The following RRN3 variants were observed in gnomAD, a reference collection of about 807,000 sequenced individuals.
RRN3 encodes RNA polymerase I transcription factor RRN3.
RRN3 carries 38 observed loss-of-function variants against 82.3 expected under a neutral mutation model. The ratio of observed to expected loss-of-function variants is 0.46; its 90% CI spans 0.36 to 0.61. The LOEUF (loss-of-function observed/expected upper bound fraction) is 0.61, where lower values mean the gene tolerates loss of function less well. Among genes scored for constraint, RRN3 ranks in the 20% least tolerant of loss-of-function variants. RRN3 has a pLI of 0.00. For synonymous variants in RRN3, 284 were observed against 284.3 expected (o/e 1.00, Z 0.01); for missense variants, 726 against 793.1 (o/e 0.92, Z 1.02).
At position 15,085,706 on chromosome 16, in the gene RRN3, G is replaced by A; in HGVS notation, c.473-8C>T. On this transcript the variant is annotated splice_polypyrimidine_tract_variant and splice_region_variant and intron_variant, in intron 5 of 17. Coordinates refer to ENST00000198767, the MANE Select transcript of RRN3 (RefSeq NM_018427.5). Reference sequence around the variant, plus strand: ...CCTTAATGATCACTCGGGCTTTTGAGGGAAAAAGAAAATATGTTATTCTGT... The same window carrying A: ...CCTTAATGATCACTCGGGCTTTTGAAGGAAAAAGAAAATATGTTATTCTGT... 1 of 1,612,854 alleles carries A rather than the reference G, an allele frequency of 6.2e-7. No homozygotes were observed. Among genetic ancestry groups the A allele is most frequent in the Non-Finnish European group, 8.5e-7 (1 of 1,179,732 alleles).
At chr16:15,081,816 CT>C (rs2045715873) in intron 8 of RRN3, among the ~76,000 whole-genome samples, 1 of 152,136 alleles carries the variant, frequency 6.6e-6, no homozygotes, top group African/African-American at 2.4e-5. Flanking sequence ...TCATGTAGGG[CT>C]TTTATTGAGT....
intron 10 of RRN3, among the ~76,000 whole-genome samples, chr16:15,075,259 A>G (rs2045402863): frequency 6.6e-6 from 1 of 151,656 alleles, no homozygotes. Flanking sequence ...CCAAAAAAAA[A>G]AAAAAAAAAC....
chr16:15,083,448 T>C lies in RRN3; in HGVS notation c.666+65A>G, dbSNP rs1448900791. ...CTGGAAAAGAAAGAAAAAGACCTAA[T>C]ATCATCTAAAATGAAATCGTACAAA... On this transcript the variant is annotated intron_variant, in intron 8 of 17. Coordinates refer to ENST00000198767, the MANE Select transcript of RRN3 (RefSeq NM_018427.5). The C allele has an allele frequency of 3.1e-6, 5 of 1,597,674 alleles. No homozygotes were observed. The African/African-American group carries it at 4.1e-5, about 13-fold the overall frequency.
chr16:15,084,662 T>C lies in RRN3; in HGVS notation c.576A>G (p.Ile192Met). ...NFDTCHRALQ[I>M]IARYVPSTPW... ...CTCACGATGGTACATATCTTGCTATTATTTGCAAGGCTCTGTGACATGTGT... is the reference window on the plus strand; with the variant it reads ...CTCACGATGGTACATATCTTGCTATCATTTGCAAGGCTCTGTGACATGTGT... Residue 192 changes from isoleucine (I) to methionine (M), a missense_variant, in exon 7 of 18, where the codon ATA (isoleucine) becomes ATG (methionine). This residue lies in a region of RRN3 where 344 missense variants were observed against 394.5 expected (regional missense o/e 0.87). Transcript: ENST00000198767. 2 of 1,612,282 alleles carry C rather than the reference T, an allele frequency of 1.2e-6. No individual in the cohort carries two copies. Among genetic ancestry groups the C allele is most frequent in the Non-Finnish European group, 1.7e-6 (2 of 1,178,354 alleles).
chr16:15,093,094 T>C (rs2046202845), intron 1 of RRN3, among the ~76,000 whole-genome samples: 2 of 151,946 alleles, frequency 1.3e-5, no homozygotes, highest in African/African-American at 4.8e-5. Context: ...AACCTCCATC[T>C]CCCGGGTTCA....
chr16:15,080,150 G>C (rs920936212), intron 8 of RRN3, 54 bp from the exon 9 acceptor site: 1 of 1,529,464 alleles, frequency 6.5e-7, no homozygotes, highest in Non-Finnish European at 8.7e-7. Context: ...ACGTTTCACA[G>C]TTATGTAAGC....
intron 12 of RRN3, among the ~76,000 whole-genome samples, chr16:15,072,348 G>A (rs1198475607): frequency 6.6e-6 from 1 of 152,032 alleles, no homozygotes; most frequent in Non-Finnish European, 1.5e-5. Flanking sequence ...TCAACCCTTG[G>A]AAAGAATAAA....
chr16:15,062,159 G>C (rs560423204), intron 17 of RRN3, among the ~76,000 whole-genome samples: 3 of 152,254 alleles, frequency 2.0e-5, no homozygotes, highest in African/African-American at 4.8e-5. Flanking sequence ...TAGAAAAACA[G>C]AACAGAACAA....
chr16:15,082,067 C>T (rs930401046), intron 8 of RRN3, among the ~76,000 whole-genome samples: 107 of 152,284 alleles, frequency 7.0e-4, no homozygotes, highest in African/African-American at 2.3e-3. Flanking sequence ...AGAGAGTTTA[C>T]GCCTTCCTTT....
At chr16:15,084,239 G>A (rs1037843192) in intron 7 of RRN3, among the ~76,000 whole-genome samples, 1 of 151,920 alleles carries the variant, frequency 6.6e-6, no homozygotes, top group African/African-American at 2.4e-5. Context: ...AATAATCAAC[G>A]GACAGAGGGA....
rs565141995 is a variant in RRN3, at chr16:15,063,485, G to T, written c.1707-202C>A. ...GCACTTTGGGAGGCTGAGGTGGGCA[G>T]ATCATGAGGTCAGGAGATCGAGACC... On this transcript the variant is annotated intron_variant, in intron 16 of 17. Coordinates refer to ENST00000198767, the MANE Select transcript of RRN3 (RefSeq NM_018427.5). Among the ~76,000 whole-genome samples, 24 of 152,196 alleles carry T rather than the reference G, an allele frequency of 1.6e-4. No individual in the cohort carries two copies. In the East Asian group the frequency reaches 4.3e-3, roughly 27 times the overall value.
chr16:15,091,789 G>A (rs2046139310), intron 2 of RRN3, among the ~76,000 whole-genome samples: 1 of 152,182 alleles, frequency 6.6e-6, no homozygotes, highest in East Asian at 1.9e-4. Flanking sequence ...CTGAGATACA[G>A]TAGAAATGCT....
chr16:15,083,199 T>C (rs1265652527), intron 8 of RRN3, among the ~76,000 whole-genome samples: 2 of 152,168 alleles, frequency 1.3e-5, no homozygotes, highest in African/African-American at 4.8e-5. Flanking sequence ...AGGCGTTCGA[T>C]ACCAGTGTGG....
At chr16:15,093,371 G>A (rs1031620970) in intron 1 of RRN3, among the ~76,000 whole-genome samples, 1 of 152,130 alleles carries the variant, frequency 6.6e-6, no homozygotes. Flanking sequence ...AATCTCAAAA[G>A]CTCCTTCTCT....
intron 3 of RRN3, among the ~76,000 whole-genome samples, chr16:15,089,159 G>C (rs2046020906): frequency 6.6e-6 from 1 of 151,938 alleles, no homozygotes; most frequent in Non-Finnish European, 1.5e-5. Flanking sequence ...AAAAAAATTA[G>C]CTGGGCATGG....
intron 12 of RRN3, among the ~76,000 whole-genome samples, chr16:15,072,029 G>A (rs2045254265): frequency 6.6e-6 from 1 of 152,096 alleles, no homozygotes; most frequent in Non-Finnish European, 1.5e-5. Flanking sequence ...GCTGGTATTT[G>A]AGTTAATTAT....
intron 6 of RRN3, among the ~76,000 whole-genome samples, chr16:15,085,180 G>A (rs573919176): frequency 4.6e-5 from 7 of 152,304 alleles, no homozygotes; most frequent in South Asian, 2.1e-4. Context: ...CAGCATCAAC[G>A]AAAATTAAAT....
At chr16:15,087,242 T>C (rs1221280481) in intron 3 of RRN3, among the ~76,000 whole-genome samples, 1 of 152,186 alleles carries the variant, frequency 6.6e-6, no homozygotes, top group Non-Finnish European at 1.5e-5. Flanking sequence ...TATGGAGTTA[T>C]CATTTAGTGA....
At chr16:15,091,229 G>T in intron 3 of RRN3, 86 bp downstream of exon 3, 2 of 1,538,954 alleles carry the variant, frequency 1.3e-6, no homozygotes, top group Non-Finnish European at 1.8e-6. Context: ...AGCAAGTTCT[G>T]GAGGACAGAA....
Sources: allele counts gnomAD v4.1 joint callset (sites outside exome capture counted in the v4.1 genomes callset), GRCh38; gene constraint gnomAD v4.1.1; regional missense constraint gnomAD v4.1.1; transcripts MANE v1.5; gene names NCBI Gene and HGNC (gene_info 2026-07-23, HGNC 2026-07-21).